Variants in SDHB observed in about 807,000 individuals in gnomAD.
SDHB encodes succinate dehydrogenase [ubiquinone] iron-sulfur subunit, mitochondrial.
Under a neutral mutation model 39.7 loss-of-function variants are expected in SDHB, and 21 were observed. That is an observed-to-expected ratio of 0.53 (90% CI 0.37 to 0.76). SDHB has a LOEUF of 0.76. SDHB is among the 30% of genes least tolerant of loss of function. The pLI is 0.00. For missense variants in SDHB, 343 were observed against 350.9 expected, an observed-to-expected ratio of 0.98 and a Z score of 0.18; for synonymous variants, 118 against 117.0, an observed-to-expected ratio of 1.01 and a Z score of -0.06.
chr1:17,028,772 T>C, intron 3 of SDHB, 36 bp from the exon 4 acceptor site: 3 of 1,610,990 alleles, frequency 1.9e-6, no homozygotes, highest in South Asian at 1.1e-5. Flanking sequence ...TCCTCACCCA[T>C]ATCCGGAATC....
At chr1:17,038,215 G>A (rs1420002919) in intron 2 of SDHB, among the ~76,000 whole-genome samples, 1 of 152,100 alleles carries the variant, frequency 6.6e-6, no homozygotes, top group East Asian at 1.9e-4. Flanking sequence ...GCCTGCCCAA[G>A]GTTTTGTGTA....
rs200890320 is a variant in SDHB at position 17,033,138 on chromosome 1, G to T, written c.208C>A (p.Pro70Thr). The T allele has an allele frequency of 1.9e-6, 3 of 1,611,314 alleles. No homozygotes were observed. Among genetic ancestry groups the T allele is most frequent in the Non-Finnish European group, 2.5e-6 (3 of 1,177,684 alleles). The change falls in exon 3 of 8, where the codon CCC becomes ACC. Residue 70 changes from proline (P) to threonine (T), a missense_variant. Transcript: ENST00000375499. Reference sequence around the variant, plus strand: ...TTGATTAAAGCATCCAATACCATGGGGCCACATCTAACAAAGAAAAATATC... The same window carrying T: ...TTGATTAAAGCATCCAATACCATGGTGCCACATCTAACAAAGAAAAATATC... The part of the protein sequence containing the change: ...TYEVDLNKCG[P>T]MVLDALIKIK...
At chr1:17,035,494 T>C (rs1167430376) in intron 2 of SDHB, among the ~76,000 whole-genome samples, 2 of 152,206 alleles carry the variant, frequency 1.3e-5, no homozygotes, top group African/African-American at 4.8e-5. Context: ...TCCTAGCATA[T>C]TTTAAATGAC....
chr1:17,040,510 A>G (rs2078073987), intron 2 of SDHB, among the ~76,000 whole-genome samples: 1 of 152,212 alleles, frequency 6.6e-6, no homozygotes, highest in African/African-American at 2.4e-5. Flanking sequence ...GTTGGAGTAC[A>G]GTGGCACAAT....
intron 4 of SDHB, among the ~76,000 whole-genome samples, 172 bp downstream of exon 4, chr1:17,028,428 G>C (rs566351867): frequency 6.6e-6 from 1 of 152,302 alleles, no homozygotes; most frequent in East Asian, 1.9e-4. Context: ...CAGTGACACT[G>C]TGGTCCTCCT....
chr1:17,022,912 T>G (rs1454448753), intron 6 of SDHB, 182 bp from the exon 7 acceptor site: 1 of 721,348 alleles, frequency 1.4e-6, no homozygotes, highest in Non-Finnish European at 2.3e-6. Context: ...GTAGCTTCAC[T>G]TGATTAATGG....
At chr1:17,044,658 C>A in intron 2 of SDHB, 103 bp downstream of exon 2, 1 of 1,357,386 alleles carries the variant, frequency 7.4e-7, no homozygotes, top group Admixed American at 1.7e-5. Context: ...ACAGAGCCAT[C>A]GGATGATCTC....
chr1:17,042,624 A>G (rs2078087177), intron 2 of SDHB, among the ~76,000 whole-genome samples: 1 of 152,050 alleles, frequency 6.6e-6, no homozygotes, highest in Non-Finnish European at 1.5e-5. Context: ...CAAAAAATAC[A>G]AAACTTAGCT....
intron 4 of SDHB, 46 bp from the exon 5 acceptor site, chr1:17,027,911 G>T: frequency 8.6e-7 from 1 of 1,167,056 alleles, no homozygotes; most frequent in Non-Finnish European, 1.3e-6. Context: ...AAAAGGATCA[G>T]ATTCCATCAT....
chr1:17,020,459 C>T (rs959920493), intron 7 of SDHB, among the ~76,000 whole-genome samples: 1 of 152,196 alleles, frequency 6.6e-6, no homozygotes, highest in Non-Finnish European at 1.5e-5. Flanking sequence ...CAACTTCCAG[C>T]CCTGTTTTAC....
Position 17,044,757 on chromosome 1 carries a change from T to G in SDHB, c.200+4A>C, listed in dbSNP as rs774908929. ...CAATAGCTGGCTTTCACAGAGATAC[T>G]CACTTATTAAGGTCAACTTCATAAG... On this transcript the variant is annotated splice_donor_region_variant and intron_variant, in intron 2 of 7. Coordinates refer to ENST00000375499, the MANE Select transcript of SDHB (RefSeq NM_003000.3). The G allele has an allele frequency of 5.6e-6, 9 of 1,613,844 alleles. No individual in the cohort carries two copies. The African/African-American group carries it at 1.2e-4, about 22-fold the overall frequency.
intron 2 of SDHB, among the ~76,000 whole-genome samples, chr1:17,033,780 G>C (rs747291223): frequency 1.3e-5 from 2 of 152,240 alleles, no homozygotes; most frequent in Non-Finnish European, 2.9e-5. Context: ...AATCCACTGA[G>C]TGCAGAGAGC....
chr1:17,038,298 CA>C (rs1448385970), intron 2 of SDHB, among the ~76,000 whole-genome samples: 1 of 152,204 alleles, frequency 6.6e-6, no homozygotes, highest in Non-Finnish European at 1.5e-5. Context: ...TTTTCTCACC[CA>C]ATTTCCCTGG....
chr1:17,022,843 G>T, intron 6 of SDHB, 113 bp from the exon 7 acceptor site: 1 of 1,286,224 alleles, frequency 7.8e-7, no homozygotes, highest in Non-Finnish European at 1.1e-6. Context: ...CAGCTTAGAT[G>T]CCTCATCTCC....
At chr1:17,035,552 C>G (rs1468809354) in intron 2 of SDHB, among the ~76,000 whole-genome samples, 1 of 152,052 alleles carries the variant, frequency 6.6e-6, no homozygotes, top group Non-Finnish European at 1.5e-5. Context: ...TATTTGCAGC[C>G]TATAAAAATT....
At chr1:17,024,919 G>T (rs2077983397) in intron 5 of SDHB, among the ~76,000 whole-genome samples, 1 of 152,234 alleles carries the variant, frequency 6.6e-6, no homozygotes, top group Non-Finnish European at 1.5e-5. Flanking sequence ...TGAACCATGA[G>T]TCTTCAACCA....
intron 3 of SDHB, among the ~76,000 whole-genome samples, chr1:17,030,725 A>G (rs1270722734): frequency 6.6e-6 from 1 of 151,378 alleles, no homozygotes; most frequent in African/African-American, 2.4e-5. Flanking sequence ...TCTGTCGCCC[A>G]GGCTGGAGTG....
rs1352485549 is a variant in SDHB at position 17,033,042 on chromosome 1, C to T, written c.286+18G>A. 7 of 1,599,272 alleles carry T rather than the reference C, an allele frequency of 4.4e-6. No individual in the cohort carries two copies. The highest frequency in any genetic ancestry group is 5.1e-6 in the Non-Finnish European group (6 of 1,166,720). On this transcript the variant is annotated intron_variant, in intron 3 of 7. Coordinates refer to ENST00000375499, the MANE Select transcript of SDHB (RefSeq NM_003000.3). Reference sequence around the variant, plus strand: ...AAGACCACAAGTATCTGGAGCCCAACAGGAATGAAATGCTCACCTTCTCTG... The same window carrying T: ...AAGACCACAAGTATCTGGAGCCCAATAGGAATGAAATGCTCACCTTCTCTG...
rs776194530 is a variant in SDHB at position 17,049,586 on chromosome 1, C to T, written c.72+4362G>A. On this transcript the variant is annotated intron_variant, in intron 1 of 7. Coordinates refer to ENST00000375499, the MANE Select transcript of SDHB (RefSeq NM_003000.3). Reference sequence around the variant, plus strand: ...TGTTGGGATTACAGGTGTGAGCAACCGCGCCTGGCCCCTAACCGGGCTTTA... The same window carrying T: ...TGTTGGGATTACAGGTGTGAGCAACTGCGCCTGGCCCCTAACCGGGCTTTA... 1.8e-4 allele frequency among the ~76,000 whole-genome samples: 27 copies of T among 150,418 alleles called. 1 individual carries two copies. Among genetic ancestry groups the T allele is most frequent in the Non-Finnish European group, 2.4e-4 (16 of 67,800 alleles).
Sources: gnomAD v4.1 joint callset for allele counts (sites outside exome capture counted in the v4.1 genomes callset) on GRCh38, gnomAD v4.1.1 for gene constraint, MANE v1.5 for transcripts, NCBI Gene and HGNC (gene_info 2026-07-23, HGNC 2026-07-21) for gene names.